Variants in NPLOC4 observed in about 807,000 individuals in gnomAD.
The protein encoded by NPLOC4 is NPL4 homolog, ubiquitin recognition factor.
Under a neutral mutation model 80.6 loss-of-function variants are expected in NPLOC4, and 18 were observed. The ratio of observed to expected loss-of-function variants is 0.22; its 90% CI spans 0.15 to 0.33. The LOEUF (loss-of-function observed/expected upper bound fraction) is 0.33. Among genes scored for constraint, NPLOC4 ranks in the 10% least tolerant of loss-of-function variants. NPLOC4 has a pLI of 1.00. For missense variants in NPLOC4, 540 were observed against 786.1 expected (o/e 0.69, Z 3.74); for synonymous variants, 313 against 301.5 (o/e 1.04, Z -0.39).
intron 12 of NPLOC4, among the ~76,000 whole-genome samples, 182 bp downstream of exon 12, chr17:81,588,762 A>G (rs935729267): frequency 2.0e-5 from 3 of 152,218 alleles, no homozygotes; most frequent in Non-Finnish European, 4.4e-5. Flanking sequence ...GCCCTACGCC[A>G]TGGAAGCATG....
chr17:81,565,748 G>A (rs1321260274), intron 15 of NPLOC4, 141 bp from the exon 16 acceptor site: 3 of 638,762 alleles, frequency 4.7e-6, no homozygotes, highest in Middle Eastern at 4.3e-4. Flanking sequence ...ACTATAAAAT[G>A]CAAACTGCCA....
At chr17:81,624,913 G>A (rs180700203) in intron 2 of NPLOC4, among the ~76,000 whole-genome samples, 28 of 152,334 alleles carry the variant, frequency 1.8e-4, no homozygotes, top group Admixed American at 1.8e-3. Context: ...GGAAAGAGAT[G>A]AGGCTGGCGA....
chr17:81,606,565 G>T, intron 7 of NPLOC4, 126 bp downstream of exon 7: 1 of 979,952 alleles, frequency 1.0e-6, no homozygotes, highest in Non-Finnish European at 1.5e-6. Context: ...GGATCATTCA[G>T]TCCATCAAAA....
At chr17:81,624,692 C>T (rs1199297008) in intron 2 of NPLOC4, among the ~76,000 whole-genome samples, 1 of 152,188 alleles carries the variant, frequency 6.6e-6, no homozygotes, top group Non-Finnish European at 1.5e-5. Context: ...GAAATAAGCA[C>T]TACGACAGAA....
chr17:81,629,941 C>G, intron 1 of NPLOC4, 136 bp from the exon 2 acceptor site: 1 of 653,728 alleles, frequency 1.5e-6, no homozygotes, highest in Non-Finnish European at 2.7e-6. Context: ...CCTTTCAATA[C>G]CCAGCTCAAT....
intron 3 of NPLOC4, among the ~76,000 whole-genome samples, chr17:81,615,797 C>A (rs546296686): frequency 2.0e-5 from 3 of 152,282 alleles, no homozygotes; most frequent in African/African-American, 7.2e-5. Context: ...AAAATAGGAA[C>A]CAAGGAGGAA....
At chr17:81,631,436 ATTTTTTTTTTTTTTTTTT>A (rs70938164) in intron 1 of NPLOC4, among the ~76,000 whole-genome samples, 1 of 117,070 alleles carries the variant, frequency 8.5e-6, no homozygotes, top group African/African-American at 3.1e-5. Flanking sequence ...ATATATATAT[ATTTTTTTTTTTTTTTTTT>A]TTTTTTTTCC....
At chr17:81,616,880 G>C (rs1024590702) in intron 3 of NPLOC4, among the ~76,000 whole-genome samples, 1 of 152,216 alleles carries the variant, frequency 6.6e-6, no homozygotes, top group Non-Finnish European at 1.5e-5. Flanking sequence ...CAATGGAATG[G>C]AAGAAGAGGG....
intron 16 of NPLOC4, among the ~76,000 whole-genome samples, chr17:81,561,478 C>T (rs1475903211): frequency 2.0e-5 from 3 of 152,186 alleles, no homozygotes; most frequent in Non-Finnish European, 4.4e-5. Context: ...ATCAATTTAC[C>T]TATTTTTATG....
chr17:81,631,686 G>C (rs1250159371), intron 1 of NPLOC4, among the ~76,000 whole-genome samples: 1 of 152,008 alleles, frequency 6.6e-6, no homozygotes, highest in Non-Finnish European at 1.5e-5. Flanking sequence ...GGGAAGGAAG[G>C]CAGACAGGAA....
chr17:81,566,567 G>C (rs2034018436), intron 15 of NPLOC4: 1 of 152,266 alleles, frequency 6.6e-6, no homozygotes, highest in Non-Finnish European at 1.5e-5. Context: ...GCAGGGAAGA[G>C]GCACAGGGTG....
At position 81,578,736 on chromosome 17, in the gene NPLOC4, TTCAATTATC is replaced by T. The variant is rs1250667918; in HGVS notation, c.1282-6657_1282-6649del. 2.6e-5 allele frequency among the ~76,000 whole-genome samples: 4 copies of T among 152,246 alleles called. No homozygotes were observed. The South Asian group carries it at 8.3e-4, about 32-fold the overall frequency. ...CAGGATGGGGGAACCACCCCCATGA[TTCAATTATC>T]TCCACCTCATCTCTCCTTGACACCT... On this transcript the variant is annotated intron_variant, in intron 12 of 16. Transcript: ENST00000331134.
intron 12 of NPLOC4, among the ~76,000 whole-genome samples, chr17:81,576,898 C>A (rs1201606053): frequency 6.6e-6 from 1 of 152,188 alleles, no homozygotes; most frequent in Non-Finnish European, 1.5e-5. Flanking sequence ...TGCAAGTGTC[C>A]ACCCTGCCAC....
At chr17:81,616,610 G>C (rs1266109218) in intron 3 of NPLOC4, among the ~76,000 whole-genome samples, 1 of 150,036 alleles carries the variant, frequency 6.7e-6, no homozygotes, top group East Asian at 2.0e-4. Flanking sequence ...GGTGCCTGTA[G>C]TCCCAGCTAC....
chr17:81,589,138 A>C, intron 11 of NPLOC4, 34 bp from the exon 12 acceptor site: 1 of 1,592,242 alleles, frequency 6.3e-7, no homozygotes, highest in East Asian at 2.3e-5. Context: ...AGAGTCTACC[A>C]AACGGCATTC....
Position 81,575,455 on chromosome 17 carries a change from G to A in NPLOC4, c.1282-3367C>T, listed in dbSNP as rs548059467. On this transcript the variant is annotated intron_variant, in intron 12 of 16. Coordinates refer to ENST00000331134, the MANE Select transcript of NPLOC4 (RefSeq NM_017921.4). ...GAAAATAGTCCAGTCCGTGTGCAAC[G>A]ACTGGATGCACACAGAACTGGCAGC... is the stretch of plus-strand genomic sequence containing the variant. 1.6e-3 allele frequency among the ~76,000 whole-genome samples: 245 copies of A among 152,288 alleles called. 1 individual carries two copies. Among genetic ancestry groups the A allele is most frequent in the African/African-American group, 5.8e-3 (239 of 41,554 alleles).
chr17:81,630,051 C>T (rs1435892940), intron 1 of NPLOC4, among the ~76,000 whole-genome samples: 1 of 151,708 alleles, frequency 6.6e-6, no homozygotes, highest in African/African-American at 2.4e-5. Context: ...CAGAAAACAA[C>T]TTTAATTCCT....
Position 81,618,806 on chromosome 17 carries a change from G to C in NPLOC4, c.209+3360C>G, listed in dbSNP as rs548262725. Among the ~76,000 whole-genome samples, 5 of 152,216 alleles carry C rather than the reference G, an allele frequency of 3.3e-5. No individual in the cohort carries two copies. In the East Asian group the frequency reaches 9.7e-4, roughly 29 times the overall value. ...AAGATTGAGAAATCGGATGGTTGCT[G>C]TGTCTGTGTAGAAGGAAGTAGACAT... On this transcript the variant is annotated intron_variant, in intron 3 of 16. Coordinates refer to ENST00000331134, the MANE Select transcript of NPLOC4 (RefSeq NM_017921.4).
intron 5 of NPLOC4, among the ~76,000 whole-genome samples, chr17:81,609,220 A>G (rs1301962205): frequency 6.6e-6 from 1 of 152,128 alleles, no homozygotes; most frequent in Non-Finnish European, 1.5e-5. Context: ...GGGTTTCAGC[A>G]TATTGGCCAG....
Sources: allele counts gnomAD v4.1 joint callset (sites outside exome capture counted in the v4.1 genomes callset), GRCh38; gene constraint gnomAD v4.1.1; transcripts MANE v1.5; gene names NCBI Gene and HGNC (gene_info 2026-07-23, HGNC 2026-07-21).